ATOSA: variants seen among roughly 807,000 people sequenced by gnomAD.
The protein encoded by ATOSA is atos homolog A, also known as atos homolog protein A.
chr15:52,618,949 G>C, the ATOSA span, among the ~76,000 whole-genome samples: 2 of 152,114 alleles, frequency 1.3e-5, no homozygotes, highest in Admixed American at 1.3e-4. Context: ...ACTGGAGTTT[G>C]CAATCCCTCA....
At chr15:52,619,040 T>C in the ATOSA span, among the ~76,000 whole-genome samples, 1 of 152,236 alleles carries the variant, frequency 6.6e-6, no homozygotes, top group African/African-American at 2.4e-5. Flanking sequence ...TAGTTATCTG[T>C]TAATTACCAA....
chr15:52,708,428 G>A, the ATOSA span, among the ~76,000 whole-genome samples: 1 of 152,136 alleles, frequency 6.6e-6, no homozygotes, highest in African/African-American at 2.4e-5. Context: ...TCTCCTGCTT[G>A]TGTGATTTAT....
the ATOSA span, among the ~76,000 whole-genome samples, chr15:52,663,930 G>C: frequency 5.3e-5 from 8 of 152,090 alleles, no homozygotes; most frequent in Non-Finnish European, 8.8e-5. Context: ...AAATATTGTA[G>C]TTGAAATAGA....
chr15:52,631,726 C>A, the ATOSA span, among the ~76,000 whole-genome samples: 1 of 152,106 alleles, frequency 6.6e-6, no homozygotes, highest in Admixed American at 6.5e-5. Flanking sequence ...GTTGGCTGGA[C>A]AAATAACTAA....
the ATOSA span, among the ~76,000 whole-genome samples, chr15:52,707,431 G>A: frequency 1.1e-4 from 16 of 152,148 alleles, no homozygotes; most frequent in African/African-American, 3.9e-4. Context: ...AGCTGGGGAT[G>A]CACAGCAGAT....
chr15:52,618,382 T>C, the ATOSA span, among the ~76,000 whole-genome samples: 1 of 152,086 alleles, frequency 6.6e-6, no homozygotes, highest in East Asian at 1.9e-4. Context: ...TAAAACTACT[T>C]TTTAAACACT....
chr15:52,705,338 C>T, the ATOSA span, among the ~76,000 whole-genome samples: 1 of 151,322 alleles, frequency 6.6e-6, no homozygotes, highest in Non-Finnish European at 1.5e-5. Context: ...GGGAACATCA[C>T]ACACTGGGGC....
chr15:52,693,933 A>G, the ATOSA span, among the ~76,000 whole-genome samples: 2 of 152,120 alleles, frequency 1.3e-5, no homozygotes, highest in African/African-American at 2.4e-5. Flanking sequence ...TGTCTGCACT[A>G]CTTAAATTGT....
chr15:52,643,455 C>CT, the ATOSA span, among the ~76,000 whole-genome samples: 10,602 of 133,304 alleles, frequency 0.08, 736 homozygotes, highest in African/African-American at 0.19. Flanking sequence ...CCTCACCTGG[C>CT]TTTTTTTTTT....
chr15:52,677,859 C>A, the ATOSA span: 3 of 1,167,220 alleles, frequency 2.6e-6, no homozygotes, highest in Non-Finnish European at 2.5e-6. Flanking sequence ...TTCTCTACCT[C>A]ACCAGCTGGA....
chr15:52,611,836 A>C, the ATOSA span: 2 of 1,508,122 alleles, frequency 1.3e-6, no homozygotes, highest in Non-Finnish European at 9.1e-7. Flanking sequence ...TTGTGTTTAA[A>C]ATAGAAAATT....
the ATOSA span, among the ~76,000 whole-genome samples, chr15:52,632,720 G>A: frequency 7.9e-5 from 12 of 152,224 alleles, no homozygotes; most frequent in East Asian, 2.3e-3. Flanking sequence ...ATGGTCAGAA[G>A]ACATTCTTAG....
chr15:52,603,173 C>G, the ATOSA span, among the ~76,000 whole-genome samples: 1 of 152,078 alleles, frequency 6.6e-6, no homozygotes, highest in Non-Finnish European at 1.5e-5. Flanking sequence ...CAAAAAAAAT[C>G]TGAACAGACG....
the ATOSA span, among the ~76,000 whole-genome samples, chr15:52,591,879 C>T: frequency 3.8e-4 from 58 of 152,234 alleles, no homozygotes; most frequent in Non-Finnish European, 6.6e-4. Context: ...CGATAATAAC[C>T]TATGCTGGGC....
At chr15:52,625,699 C>G in the ATOSA span, among the ~76,000 whole-genome samples, 1 of 93,950 alleles carries the variant, frequency 1.1e-5, no homozygotes, top group East Asian at 2.0e-4. Context: ...AAGGTGCCAT[C>G]TTAAAAAAAA....
At chr15:52,697,841 C>A in the ATOSA span, among the ~76,000 whole-genome samples, 1 of 151,194 alleles carries the variant, frequency 6.6e-6, no homozygotes, top group Non-Finnish European at 1.5e-5. Flanking sequence ...CTCACGGGGG[C>A]TTTATATGAC....
chr15:52,699,815 G>A, the ATOSA span, among the ~76,000 whole-genome samples: 3 of 152,226 alleles, frequency 2.0e-5, no homozygotes, highest in East Asian at 3.9e-4. Context: ...TGTAGCATTC[G>A]GATTTAGTGT....
chr15:52,671,020 TACAG>T, the ATOSA span, among the ~76,000 whole-genome samples: 1 of 152,142 alleles, frequency 6.6e-6, no homozygotes, highest in Non-Finnish European at 1.5e-5. Context: ...AATTTGAACA[TACAG>T]ACATTCTCCC....
At chr15:52,692,805 G>A in the ATOSA span, among the ~76,000 whole-genome samples, 27 of 144,144 alleles carry the variant, frequency 1.9e-4, no homozygotes, top group East Asian at 1.8e-3. Context: ...GACTACAGGC[G>A]TCAGCTATAG....
Sources: allele counts gnomAD v4.1 joint callset (sites outside exome capture counted in the v4.1 genomes callset), GRCh38; gene constraint gnomAD v4.1.1; transcripts MANE v1.5; gene names NCBI Gene and HGNC (gene_info 2026-07-23, HGNC 2026-07-21).